ZNF544: variants seen among roughly 807,000 people sequenced by gnomAD.
ZNF544 encodes the protein zinc finger protein AF020591.
In ZNF544, 10 loss-of-function variants were observed where a neutral mutation model predicts 13.5. The ratio of observed to expected loss-of-function variants is 0.74; its 90% CI spans 0.46 to 1.25. ZNF544 has a LOEUF of 1.25. ZNF544 is among the 50% of genes most tolerant of loss of function. The probability of loss-of-function intolerance (pLI) is 0.00; values close to 1 mark genes in which losing one functional copy is unlikely to be tolerated. For missense variants in ZNF544, 896 were observed against 845.6 expected (o/e 1.06, Z -0.74); for synonymous variants, 323 against 300.5 (o/e 1.07, Z -0.77).
At chr19:58,264,092 CAA>C (rs34001424), downstream of ZNF544, 40,784 of 134,772 alleles carry the variant, frequency 0.3, 6,383 homozygotes, top group Middle Eastern at 0.48. Flanking sequence ...AAGACTGTCT[CAA>C]AAAAAAAAAA....
chr19:58,245,977 G>A (rs1158562736), intron 4 of ZNF544: 1 of 365,880 alleles, frequency 2.7e-6, no homozygotes, highest in Non-Finnish European at 5.3e-6. Flanking sequence ...ACAAACAACA[G>A]AATTGACTGC....
chr19:58,229,403 G>A (rs556747500), intron 1 of ZNF544, 65 bp from the exon 2 acceptor site: 30 of 152,348 alleles, frequency 2.0e-4, no homozygotes, highest in African/African-American at 7.2e-4. Context: ...TGGGGCTGCC[G>A]ACCCAGCGGG....
chr19:58,252,873 G>A (rs2046518626), intron 6 of ZNF544, among the ~76,000 whole-genome samples: 1 of 152,212 alleles, frequency 6.6e-6, no homozygotes, highest in East Asian at 1.9e-4. Context: ...AGGCTAGAGT[G>A]CAGTGGCACA....
chr19:58,240,273 T>C (rs12976331), intron 3 of ZNF544, among the ~76,000 whole-genome samples: 17 of 151,112 alleles, frequency 1.1e-4, no homozygotes, highest in African/African-American at 4.1e-4. Context: ...TTTTTTTTTT[T>C]TGGAGACAGA....
At chr19:58,242,241 C>A (rs1281580597) in intron 3 of ZNF544, 1 of 985,098 alleles carries the variant, frequency 1.0e-6, no homozygotes, top group Admixed American at 6.2e-5. Flanking sequence ...AGAGTGAGTC[C>A]CCAGCACCGC....
chr19:58,236,734 T>C (rs940631715), intron 3 of ZNF544, among the ~76,000 whole-genome samples: 77 of 149,056 alleles, frequency 5.2e-4, no homozygotes, highest in African/African-American at 1.8e-3. Context: ...GTATGTATCA[T>C]TCTGTGAAAC....
rs776998159 is a variant in ZNF544, at chr19:58,261,232, A to G, written c.626A>G (p.Asp209Gly). 243 of 1,614,092 alleles carry G rather than the reference A, an allele frequency of 1.5e-4. No individual in the cohort carries two copies. The highest frequency in any genetic ancestry group is 1.9e-4 in the Non-Finnish European group (227 of 1,180,054). Reference protein sequence around the residue: ...AFINHEKNGADGKHCESHQCA... With the variant: ...AFINHEKNGAGGKHCESHQCA... ...ATTAATCATGAGAAAAATGGAGCAGATGGGAAGCACTGTGAGAGTCATCAG... is the reference window on the plus strand; with the variant it reads ...ATTAATCATGAGAAAAATGGAGCAGGTGGGAAGCACTGTGAGAGTCATCAG... The change falls in exon 7 of 7, where the codon GAT becomes GGT. Residue 209 changes from aspartate (D) to glycine (G), a missense_variant. Coordinates refer to ENST00000687789, the MANE Select transcript of ZNF544 (RefSeq NM_014480.4).
intron 3 of ZNF544, among the ~76,000 whole-genome samples, chr19:58,238,618 G>A (rs1334557780): frequency 6.6e-6 from 1 of 152,142 alleles, no homozygotes; most frequent in Admixed American, 6.5e-5. Flanking sequence ...GTGCGTACGT[G>A]AGGGTCTGCT....
intron 6 of ZNF544, chr19:58,258,129 T>TAAGG (rs1277984420): frequency 6.6e-6 from 1 of 152,258 alleles, no homozygotes; most frequent in Non-Finnish European, 1.5e-5. Flanking sequence ...ACAGCCCCTT[T>TAAGG]CCTCATTTCA....
intron 3 of ZNF544, among the ~76,000 whole-genome samples, chr19:58,232,172 T>C (rs2041378434): frequency 6.6e-6 from 1 of 151,994 alleles, no homozygotes; most frequent in Non-Finnish European, 1.5e-5. Flanking sequence ...GAAATTGAAC[T>C]GAAAATAAAA....
intron 3 of ZNF544, among the ~76,000 whole-genome samples, chr19:58,231,397 T>C (rs1289282623): frequency 6.6e-6 from 1 of 152,160 alleles, no homozygotes; most frequent in Non-Finnish European, 1.5e-5. Flanking sequence ...TTTGTGGGGT[T>C]ACAAGGAAGA....
chr19:58,241,174 T>TATATTTAA (rs1568460835), intron 3 of ZNF544, among the ~76,000 whole-genome samples: 23 of 94,634 alleles, frequency 2.4e-4, no homozygotes, highest in South Asian at 6.5e-4. Flanking sequence ...TATATATATA[T>TATATTTAA]ATATATTTTT....
intron 5 of ZNF544, among the ~76,000 whole-genome samples, chr19:58,274,737 A>C (rs561267420): frequency 1.1e-4 from 16 of 152,230 alleles, no homozygotes; most frequent in African/African-American, 3.6e-4. Flanking sequence ...ATTTTTTCAA[A>C]TCTCCTTAAT....
chr19:58,260,936 C>A lies in ZNF544; in HGVS notation c.330C>A (p.Tyr110Ter). ...REELSHHVEV[Y>*]RSGPEEPPSL... ...AACTATCCCACCACGTGGAAGTGTA[C>A]AGGAGTGGACCGGAGGAGCCACCCT... The change falls in exon 7 of 7, where the codon TAC (tyrosine) becomes TAA (stop). Residue 110 changes from tyrosine to a stop codon, truncating the protein, a stop_gained. Transcript: ENST00000687789. LOFTEE classifies it low-confidence loss of function (END_TRUNC). 1.9e-6 allele frequency: 3 copies of A among 1,614,124 alleles called. No individual in the cohort carries two copies. The highest frequency in any genetic ancestry group is 2.5e-6 in the Non-Finnish European group (3 of 1,180,026).
intron 3 of ZNF544, among the ~76,000 whole-genome samples, chr19:58,240,098 G>A (rs1456987562): frequency 6.6e-6 from 1 of 152,022 alleles, no homozygotes; most frequent in Non-Finnish European, 1.5e-5. Context: ...TGTTATGTAG[G>A]CATGGAGCCT....
At chr19:58,260,617 G>A (rs570301168) in intron 6 of ZNF544, 1 of 435,080 alleles carries the variant, frequency 2.3e-6, no homozygotes, top group Non-Finnish European at 4.1e-6. Context: ...CCTCTATTTG[G>A]GGACTAGTGT....
At chr19:58,229,286 TGGGTGG>T in intron 1 of ZNF544, 176 bp from the exon 2 acceptor site, 1 of 4,154 alleles carries the variant, frequency 2.4e-4, no homozygotes, top group East Asian at 5.8e-3. Context: ...TGGGTGGGAC[TGGGTGG>T]GACTGGGTGG....
chr19:58,239,898 CAAA>C (rs58006684), intron 3 of ZNF544, among the ~76,000 whole-genome samples: 6 of 127,286 alleles, frequency 4.7e-5, no homozygotes, highest in East Asian at 4.4e-4. Flanking sequence ...GACTCCATCT[CAAA>C]AAAAAAAAAA....
At chr19:58,229,938 T>C (rs1445018342) in intron 2 of ZNF544, 1 of 152,686 alleles carries the variant, frequency 6.5e-6, no homozygotes, top group African/African-American at 2.4e-5. Flanking sequence ...AGGAAGACTG[T>C]GTTTCTGTTT....
Sources: gnomAD v4.1 joint callset for allele counts (sites outside exome capture counted in the v4.1 genomes callset) on GRCh38, gnomAD v4.1.1 for gene constraint, MANE v1.5 for transcripts, NCBI Gene and HGNC (gene_info 2026-07-23, HGNC 2026-07-21) for gene names.